Variants in NT5DC3 observed in about 807,000 individuals in gnomAD.
The protein encoded by NT5DC3 is 5'-nucleotidase domain-containing protein 3.
Under a neutral mutation model 67.8 loss-of-function variants are expected in NT5DC3, and 42 were observed. That is an observed-to-expected ratio of 0.62 (90% CI 0.48 to 0.80). The LOEUF is 0.80. Ranked by LOEUF, NT5DC3 falls within the 30% of genes least tolerant of loss-of-function variation. The pLI is 0.00. For missense variants in NT5DC3, 570 were observed against 696.4 expected, an observed-to-expected ratio of 0.82 and a Z score of 2.04; for synonymous variants, 237 against 255.6, an observed-to-expected ratio of 0.93 and a Z score of 0.69.
chr12:103,751,777 G>A, the NT5DC3 span, among the ~76,000 whole-genome samples: 1 of 152,188 alleles, frequency 6.6e-6, no homozygotes, highest in African/African-American at 2.4e-5. Flanking sequence ...ACCATAGAGT[G>A]TGGTCCAGCT....
At chr12:103,808,676 G>A (rs1267226335) in intron 2 of NT5DC3, among the ~76,000 whole-genome samples, 3 of 152,186 alleles carry the variant, frequency 2.0e-5, no homozygotes, top group African/African-American at 7.2e-5. Context: ...TGAGAACCCT[G>A]TGTATGGTCC....
chr12:103,838,573 C>T (rs1298016426), intron 1 of NT5DC3, among the ~76,000 whole-genome samples: 2 of 152,196 alleles, frequency 1.3e-5, no homozygotes, highest in Admixed American at 6.5e-5. Flanking sequence ...AGCAATTGTA[C>T]TCTTTGGCAT....
At chr12:103,831,553 G>C (rs1443737178) in intron 1 of NT5DC3, among the ~76,000 whole-genome samples, 1 of 152,058 alleles carries the variant, frequency 6.6e-6, no homozygotes, top group Non-Finnish European at 1.5e-5. Flanking sequence ...AAAATATCTA[G>C]AGCAAAGACC....
chr12:103,804,280 C>T (rs940309314), intron 4 of NT5DC3, among the ~76,000 whole-genome samples: 2 of 152,174 alleles, frequency 1.3e-5, no homozygotes, highest in Admixed American at 1.3e-4. Flanking sequence ...CACTGGAAGA[C>T]AAACACTGGA....
chr12:103,755,734 G>T, the NT5DC3 span: 1 of 1,613,330 alleles, frequency 6.2e-7, no homozygotes, highest in Non-Finnish European at 8.5e-7. Context: ...TACCATGTCT[G>T]CTTGGTTTGC....
At chr12:103,746,949 CTT>C in the NT5DC3 span, among the ~76,000 whole-genome samples, 206 of 96,060 alleles carry the variant, frequency 2.1e-3, no homozygotes, top group East Asian at 0.027. Context: ...GTTTTTCTTT[CTT>C]TTTTTTTTTT....
intron 1 of NT5DC3, among the ~76,000 whole-genome samples, chr12:103,833,737 G>A (rs963125492): frequency 1.6e-4 from 24 of 146,126 alleles, no homozygotes; most frequent in Admixed American, 2.0e-4. Context: ...AAAAAAATCC[G>A]TGCGACTAAC....
In NT5DC3 at chr12:103,823,975, A is replaced by G. The variant is rs528639903; in HGVS notation, c.209-8854T>C. Among the ~76,000 whole-genome samples the G allele has an allele frequency of 2.6e-5, 4 of 151,644 alleles. No homozygotes were observed. The East Asian group carries it at 7.7e-4, about 29-fold the overall frequency. ...CCTTCTGCCCAGTCAGGCTAGGCAC[A>G]GGGCAGTAAAGTCAGTTCTGCTATT... On this transcript the variant is annotated intron_variant, in intron 1 of 13. Transcript: ENST00000392876.
chr12:103,799,158 G>A (rs1251329496), intron 4 of NT5DC3, among the ~76,000 whole-genome samples: 1 of 152,180 alleles, frequency 6.6e-6, no homozygotes, highest in Non-Finnish European at 1.5e-5. Flanking sequence ...GCTTTGGGGT[G>A]GGCTGGCTTT....
chr12:103,789,065 T>A, intron 9 of NT5DC3, 146 bp from the exon 10 acceptor site: 1 of 639,396 alleles, frequency 1.6e-6, no homozygotes. Context: ...TCATATTCCC[T>A]GGCCTAATTC....
chr12:103,827,834 T>A (rs1446276353), intron 1 of NT5DC3, among the ~76,000 whole-genome samples: 1 of 152,230 alleles, frequency 6.6e-6, no homozygotes, highest in Non-Finnish European at 1.5e-5. Context: ...GTCTTCTAAG[T>A]ACTTATTTGC....
chr12:103,841,125 C>A lies in NT5DC3; in HGVS notation c.32G>T (p.Arg11Leu). ...TGTCGCTGCCCTCGCCCCGGCCCCG[C>A]GTGCCACCACCGCCGCCGCTGCCAT... MTMAAAAVVA[R>L]GAGARAATAA... is the part of the protein sequence containing the mutation. Residue 11 changes from arginine to leucine, a missense_variant, in exon 1 of 14, where the codon CGC becomes CTC. Around this residue, in one of 2 missense-constraint regions of NT5DC3, gnomAD observed 104 missense variants for 88.4 expected, o/e 1.18. Coordinates refer to ENST00000392876, the MANE Select transcript of NT5DC3 (RefSeq NM_001031701.3). 1.0e-6 allele frequency: 1 copy of A among 953,564 alleles called. No individual in the cohort carries two copies. The highest frequency in any genetic ancestry group is 1.4e-6 in the Non-Finnish European group (1 of 715,836). 59.1% of individuals were successfully genotyped at this position (953,564 alleles called of 1,614,324 possible).
chr12:103,837,275 A>T (rs530786195), intron 1 of NT5DC3, among the ~76,000 whole-genome samples: 1 of 152,188 alleles, frequency 6.6e-6, no homozygotes, highest in East Asian at 1.9e-4. Flanking sequence ...AGCCCACTAA[A>T]CCACTTTTCC....
chr12:103,760,877 C>T, the NT5DC3 span, among the ~76,000 whole-genome samples: 3 of 152,200 alleles, frequency 2.0e-5, no homozygotes, highest in African/African-American at 7.2e-5. Context: ...GGAGAAGGCA[C>T]AGGGCCTCAG....
the NT5DC3 span, among the ~76,000 whole-genome samples, chr12:103,751,416 G>A: frequency 6.6e-6 from 1 of 152,178 alleles, no homozygotes; most frequent in African/African-American, 2.4e-5. Context: ...AATGGACACA[G>A]AATAGAGAAA....
intron 9 of NT5DC3, 80 bp downstream of exon 9, chr12:103,793,084 G>A: frequency 1.9e-6 from 2 of 1,036,124 alleles, no homozygotes; most frequent in Non-Finnish European, 1.5e-6. Context: ...TTTGCAACTG[G>A]ATTTTACCAA....
Position 103,772,768 on chromosome 12 carries a change from G to A in NT5DC3, c.*5061C>T, listed in dbSNP as rs1444901198. ...GAGGCCAGCCCTTTGTACCCCATAT[G>A]GAGCCGGTAAGGGTTACAGGCAGGA... is the stretch of plus-strand genomic sequence containing the variant. On this transcript the variant is annotated 3_prime_UTR_variant, in exon 14 of 14. Transcript: ENST00000392876. 1.3e-5 allele frequency: 2 copies of A among 152,300 alleles called. No homozygotes were observed. Among genetic ancestry groups the A allele is most frequent in the Non-Finnish European group, 2.9e-5 (2 of 68,120 alleles). 9.4% of individuals were successfully genotyped at this position (152,300 alleles called of 1,614,324 possible).
chr12:103,778,492 C>T (rs1470967682), intron 13 of NT5DC3, among the ~76,000 whole-genome samples: 4 of 152,308 alleles, frequency 2.6e-5, no homozygotes, highest in African/African-American at 7.2e-5. Context: ...GATCATGCCA[C>T]TGCACTCCAG....
At chr12:103,837,021 C>A (rs1566135199) in intron 1 of NT5DC3, among the ~76,000 whole-genome samples, 1 of 152,348 alleles carries the variant, frequency 6.6e-6, no homozygotes, top group South Asian at 2.1e-4. Context: ...TACATGAGGG[C>A]CCCGTCTCTG....
Sources: allele counts gnomAD v4.1 joint callset (sites outside exome capture counted in the v4.1 genomes callset), GRCh38; gene constraint gnomAD v4.1.1; regional missense constraint gnomAD v4.1.1; transcripts MANE v1.5; gene names NCBI Gene and HGNC (gene_info 2026-07-23, HGNC 2026-07-21).